Variants in RIPK3 observed in about 807,000 individuals in gnomAD.
RIPK3 encodes the protein receptor interacting serine/threonine kinase 3, also known as receptor-interacting serine/threonine-protein kinase 3.
In RIPK3, 51 loss-of-function variants were observed where a neutral mutation model predicts 51.6. That is an observed-to-expected ratio of 0.99 (90% CI 0.79 to 1.25). The LOEUF (loss-of-function observed/expected upper bound fraction) is 1.25, where lower values mean the gene tolerates loss of function less well. Among genes scored for constraint, RIPK3 ranks in the 50% most tolerant of loss-of-function variants. The pLI, the probability that RIPK3 is intolerant of heterozygous loss-of-function variation, is 0.00. For missense variants in RIPK3, 654 were observed against 650.4 expected, an observed-to-expected ratio of 1.01 and a Z score of -0.06; for synonymous variants, 246 against 257.7, an observed-to-expected ratio of 0.95 and a Z score of 0.44.
chr14:24,339,342 GC>G lies in RIPK3; in HGVS notation c.162-19del. On this transcript the variant is annotated intron_variant, in intron 2 of 9. Coordinates refer to ENST00000216274, the MANE Select transcript of RIPK3 (RefSeq NM_006871.4). This position sits in a 1 kb window ranked among gnomAD's most constrained non-coding sequence, Gnocchi z 4.0. ...TCGCCTTCCTACACTCCAGGAGAGA[GC>G]TGGAGTCGCACCGGGGTCGTGGGAA... is the stretch of plus-strand genomic sequence containing the variant. The G allele has an allele frequency of 6.2e-7, 1 of 1,608,560 alleles. No individual in the cohort carries two copies. The highest frequency in any genetic ancestry group is 8.5e-7 in the Non-Finnish European group (1 of 1,175,990).
rs757466026 is a variant in RIPK3, at chr14:24,336,894, G to C, written c.1327C>G (p.Pro443Ala). The C allele has an allele frequency of 1.9e-6, 3 of 1,613,880 alleles. No individual in the cohort carries two copies. The highest frequency in any genetic ancestry group is 2.5e-6 in the Non-Finnish European group (3 of 1,179,868). Residue 443 changes from proline to alanine, a missense_variant, in exon 9 of 10, where the codon CCA becomes GCA. Coordinates refer to ENST00000216274, the MANE Select transcript of RIPK3 (RefSeq NM_006871.4). ...GGTAGAGAATGGGTACCTGTTACTGGATTTGGCTCCGGGGTCCTGCAGGAC... is the reference window on the plus strand; with the variant it reads ...GGTAGAGAATGGGTACCTGTTACTGCATTTGGCTCCGGGGTCCTGCAGGAC... ...NWSCRTPEPN[P>A]VTGRPLVNIY...
In RIPK3 at chr14:24,338,302, G is replaced by T; in HGVS notation, c.618-7C>A. On this transcript the variant is annotated splice_polypyrimidine_tract_variant and splice_region_variant and intron_variant, in intron 4 of 9. Coordinates refer to ENST00000216274, the MANE Select transcript of RIPK3 (RefSeq NM_006871.4). ...CCACATTAGGATCCCGAAGCTGCAGGAGACACAAAGCTGAGGATCGGTCCA... is the reference window on the plus strand; with the variant it reads ...CCACATTAGGATCCCGAAGCTGCAGTAGACACAAAGCTGAGGATCGGTCCA... 1 of 1,526,026 alleles carries T rather than the reference G, an allele frequency of 6.6e-7. No individual in the cohort carries two copies. The highest frequency in any genetic ancestry group is 8.8e-7 in the Non-Finnish European group (1 of 1,136,636). 94.5% of individuals were successfully genotyped at this position (1,526,026 alleles called of 1,614,324 possible).
At position 24,336,893 on chromosome 14, in the gene RIPK3, G is replaced by A. The variant is rs2042142345; in HGVS notation, c.1328C>T (p.Pro443Leu). ...AGGTAGAGAATGGGTACCTGTTACT[G>A]GATTTGGCTCCGGGGTCCTGCAGGA... ...NWSCRTPEPNPVTGRPLVNIY... is the reference protein window; with the variant it reads ...NWSCRTPEPNLVTGRPLVNIY... Residue 443 changes from proline to leucine, a missense_variant, in exon 9 of 10, where the codon CCA (proline) becomes CTA (leucine). Physicochemically the swap from Pro to Leu is moderately conservative, Grantham distance 98. Transcript: ENST00000216274. The A allele has an allele frequency of 3.7e-6, 6 of 1,613,870 alleles. No homozygotes were observed. Among genetic ancestry groups the A allele is most frequent in the South Asian group, 1.1e-5 (1 of 91,084 alleles).
In RIPK3 at chr14:24,338,000, G is replaced by A. The variant is rs1230024924; in HGVS notation, c.705C>T (p.Asn235=). The A allele has an allele frequency of 6.2e-7, 1 of 1,614,106 alleles. No homozygotes were observed. The highest frequency in any genetic ancestry group is 8.5e-7 in the Non-Finnish European group (1 of 1,180,056). Residue 235 remains asparagine (N), a synonymous_variant, in exon 6 of 10, where the codon AAC becomes AAT. Transcript: ENST00000216274. ...EPSLVYEAVC[N]RQNRPSLAEL... ...CAGCCAATGAAGGCCGGTTCTGCCT[G>A]TTGCACACTGCTTCGTACACGAGTG... is the stretch of plus-strand genomic sequence containing the variant.
At position 24,339,990 on chromosome 14, in the gene RIPK3, C is replaced by T; in HGVS notation, c.-164G>A. On this transcript the variant is annotated 5_prime_UTR_variant, in exon 1 of 10. Coordinates refer to ENST00000216274, the MANE Select transcript of RIPK3 (RefSeq NM_006871.4). The surrounding 1 kb of genome is among the most constrained non-coding windows in gnomAD (Gnocchi z 4.0). ...TACTTTCCGGGTTGTTACCCTTTTT[C>T]CGAGTTGACTGAACAACTTCCCTTA... 1.5e-6 allele frequency: 1 copy of T among 672,630 alleles called. No homozygotes were observed. Among genetic ancestry groups the T allele is most frequent in the Non-Finnish European group, 2.3e-6 (1 of 430,122 alleles). 41.7% of individuals were successfully genotyped at this position (672,630 alleles called of 1,614,324 possible). A position where few individuals can be genotyped will look rare whatever the true frequency, so the allele number is the denominator to read the frequency against.
chr14:24,338,517 T>G lies in RIPK3; in HGVS notation c.522A>C (p.Thr174=). Residue 174 remains threonine, a synonymous_variant, in exon 4 of 10, where the codon ACA becomes ACC. Transcript: ENST00000216274. ...STFQGGSQSG[T]GSGEPGGTLG... is the part of the protein sequence containing the mutation. ...GGGTGCCCCCTGGCTCCCCGGACCC[T>G]GTCCCTGACTGTGAGCCTCCCTGAA... 5 of 1,612,350 alleles carry G rather than the reference T, an allele frequency of 3.1e-6. No individual in the cohort carries two copies. The highest frequency in any genetic ancestry group is 4.2e-6 in the Non-Finnish European group (5 of 1,178,558).
In RIPK3 at chr14:24,336,170, G is replaced by A. The variant is rs964762963; in HGVS notation, c.*5C>T. 1.9e-6 allele frequency: 3 copies of A among 1,610,166 alleles called. No homozygotes were observed. The Admixed American group carries it at 5.0e-5, about 27-fold the overall frequency. ...TAACTCTTGGAGGCAAGCTTGGAAG[G>A]TGCTTTATTTCCCGCTATGATTATA... On this transcript the variant is annotated 3_prime_UTR_variant, in exon 10 of 10. Transcript: ENST00000216274.
chr14:24,338,876 C>A (rs2042161003), intron 3 of RIPK3, 139 bp downstream of exon 3: 8 of 753,256 alleles, frequency 1.1e-5, no homozygotes, highest in Non-Finnish European at 1.7e-5. Flanking sequence ...TGGGCTTTGT[C>A]CCCTGGCAGC....
rs1376596763 is a variant in RIPK3 at position 24,339,869 on chromosome 14, TAGG to T, written c.-46_-44del. 6.5e-7 allele frequency: 1 copy of T among 1,541,926 alleles called. No individual in the cohort carries two copies. The highest frequency in any genetic ancestry group is 8.7e-7 in the Non-Finnish European group (1 of 1,148,690). ...GGGGGCCTCTGGAAATTGCGAGCCG[TAGG>T]AGATGGAGTGACTTCTGGGGCTTGG... On this transcript the variant is annotated 5_prime_UTR_variant, in exon 1 of 10. Transcript: ENST00000216274. The surrounding 1 kb of genome is among the most constrained non-coding windows in gnomAD (Gnocchi z 4.0).
In RIPK3 at chr14:24,339,830, G is replaced by T; in HGVS notation, c.-4C>A. The stretch of plus-strand genomic sequence containing the variant: ...ACCATAACTTGACGCACGACATCAG[G>T]CTGGAAGGTGCCAGGGGGCCTCTGG... On this transcript the variant is annotated 5_prime_UTR_variant, in exon 1 of 10. Transcript: ENST00000216274. The surrounding 1 kb of genome is among the most constrained non-coding windows in gnomAD (Gnocchi z 4.0). The T allele has an allele frequency of 6.4e-7, 1 of 1,566,810 alleles. No individual in the cohort carries two copies. Among genetic ancestry groups the T allele is most frequent in the Non-Finnish European group, 8.6e-7 (1 of 1,160,018 alleles).
At chr14:24,337,521 A>G in intron 7 of RIPK3, 61 bp from the exon 8 acceptor site, 1 of 1,611,244 alleles carries the variant, frequency 6.2e-7, no homozygotes. Context: ...AACCCAAGGG[A>G]GTAGTCTCTC....
rs764846516 is a variant in RIPK3, at chr14:24,336,361, C to T, written c.1371G>A (p.Gly457=). The change falls in exon 10 of 10, where the codon GGG becomes GGA. Residue 457 remains glycine (G), a synonymous_variant. Coordinates refer to ENST00000216274, the MANE Select transcript of RIPK3 (RefSeq NM_006871.4). ...AGTAGTTGTTGTCTCCAACTTGCAC[C>T]CCAGAGCAGTTGTATATGTTAACGA... The part of the protein sequence containing the change: ...RPLVNIYNCS[G]VQVGDNNYLT... The T allele has an allele frequency of 2.5e-6, 4 of 1,613,746 alleles. No individual in the cohort carries two copies. Among genetic ancestry groups the T allele is most frequent in the Non-Finnish European group, 3.4e-6 (4 of 1,180,012 alleles).
Position 24,337,227 on chromosome 14 carries a change from C to G in RIPK3, c.1134G>C (p.Gln378His), listed in dbSNP as rs143073502. 116 of 1,614,040 alleles carry G rather than the reference C, an allele frequency of 7.2e-5. No individual in the cohort carries two copies. The African/African-American group carries it at 1.5e-3, about 21-fold the overall frequency. Residue 378 changes from glutamine (Q) to histidine (H), a missense_variant, in exon 8 of 10, where the codon CAG becomes CAC. Physicochemically the swap from Gln to His is conservative, Grantham distance 24. Transcript: ENST00000216274. ...TGCCTGCTGTCCAGGCTTGTGGAAC[C>G]TGCTCCTCTTGTGCCCTGCTCCTCT... is the stretch of plus-strand genomic sequence containing the variant. ...LTKRSRAQEE[Q>H]VPQAWTAGTS...
chr14:24,338,994 GA>G lies in RIPK3; in HGVS notation c.471+20del, dbSNP rs1348542287. 1 of 1,595,546 alleles carries G rather than the reference GA, an allele frequency of 6.3e-7. No homozygotes were observed. The highest frequency in any genetic ancestry group is 1.7e-5 in the Admixed American group (1 of 60,004). The stretch of plus-strand genomic sequence containing the variant: ...CTCTGGGGCCTTGTCTTGAGGCTGA[GA>G]GGGGTGTAGACCAGCTGACCTTGAC... On this transcript the variant is annotated intron_variant, in intron 3 of 9. Transcript: ENST00000216274.
In RIPK3 at chr14:24,339,414, C is replaced by A; in HGVS notation, c.161+43G>T. On this transcript the variant is annotated intron_variant, in intron 2 of 9. Transcript: ENST00000216274. The surrounding 1 kb of genome is among the most constrained non-coding windows in gnomAD (Gnocchi z 4.0). ...AGGCCCCAGAGCACAGTGGCTCCAC[C>A]TTTTTGGCCAGATTGCGGCTGGGGT... 1 of 1,613,886 alleles carries A rather than the reference C, an allele frequency of 6.2e-7. No individual in the cohort carries two copies.
At position 24,337,357 on chromosome 14, in the gene RIPK3, T is replaced by A; in HGVS notation, c.1004A>T (p.Glu335Val). ...GACATCATTACGAGAGTGCTGGTTT[T>A]CTATGGTTCTCCTAAAGCCATCCAT... ...TEMDGFRRTI[E>V]NQHSRNDVMV... The change falls in exon 8 of 10, where the codon GAA becomes GTA. Residue 335 changes from glutamate (E) to valine (V), a missense_variant. Physicochemically the swap from Glu to Val is moderately radical, Grantham distance 121 (BLOSUM62 -2). Coordinates refer to ENST00000216274, the MANE Select transcript of RIPK3 (RefSeq NM_006871.4). The A allele has an allele frequency of 6.2e-7, 1 of 1,614,020 alleles. No homozygotes were observed. The highest frequency in any genetic ancestry group is 8.5e-7 in the Non-Finnish European group (1 of 1,179,932).
chr14:24,338,115 G>T lies in RIPK3; in HGVS notation c.665-75C>A, dbSNP rs776075051. On this transcript the variant is annotated intron_variant, in intron 5 of 9. Transcript: ENST00000216274. Reference sequence around the variant, plus strand: ...AATTATCTGCTTCATCATGGAAAGAGGCAGGGAGTGTAATGTGGGGGCACG... The same window carrying T: ...AATTATCTGCTTCATCATGGAAAGATGCAGGGAGTGTAATGTGGGGGCACG... 1.9e-6 allele frequency: 3 copies of T among 1,605,632 alleles called. No individual in the cohort carries two copies. In the Admixed American group the frequency reaches 5.0e-5, roughly 27 times the overall value.
rs373809787 is a variant in RIPK3 at position 24,337,374 on chromosome 14, G to C, written c.987C>G (p.Gly329=). 6.2e-7 allele frequency: 1 copy of C among 1,613,920 alleles called. No homozygotes were observed. The highest frequency in any genetic ancestry group is 1.3e-5 in the African/African-American group (1 of 74,906). ...ESGQGGTEMD[G]FRRTIENQHS... is the part of the protein sequence containing the mutation. Reference sequence around the variant, plus strand: ...GCTGGTTTTCTATGGTTCTCCTAAAGCCATCCATTTCTGTCCCTCCTTGGC... The same window carrying C: ...GCTGGTTTTCTATGGTTCTCCTAAACCCATCCATTTCTGTCCCTCCTTGGC... Residue 329 remains glycine, a synonymous_variant, in exon 8 of 10, where the codon GGC becomes GGG. Coordinates refer to ENST00000216274, the MANE Select transcript of RIPK3 (RefSeq NM_006871.4).
chr14:24,339,818 G>T lies in RIPK3; in HGVS notation c.9C>A (p.Cys3Ter), dbSNP rs141928243. 14 of 1,574,992 alleles carry T rather than the reference G, an allele frequency of 8.9e-6. No homozygotes were observed. Among genetic ancestry groups the T allele is most frequent in the Non-Finnish European group, 1.1e-5 (13 of 1,162,762 alleles). Residue 3 changes from cysteine to a stop codon, truncating the protein, a stop_gained, in exon 1 of 10, where the codon TGC (cysteine) becomes TGA (stop). Transcript: ENST00000216274. LOFTEE classifies it high-confidence loss of function. This position sits in a 1 kb window ranked among gnomAD's most constrained non-coding sequence, Gnocchi z 4.0. MS[C>*]VKLWPSGAPA... is the part of the protein sequence containing the mutation. ...CACTCCCTACTCACCATAACTTGAC[G>T]CACGACATCAGGCTGGAAGGTGCCA...
Sources: allele counts gnomAD v4.1 joint callset, GRCh38; gene constraint gnomAD v4.1.1; non-coding constraint Gnocchi (gnomAD v3.1); transcripts MANE v1.5; gene names NCBI Gene and HGNC (gene_info 2026-07-23, HGNC 2026-07-21).